The following CLCN6 variants were observed in gnomAD, a reference collection of about 807,000 sequenced individuals.
CLCN6 encodes the protein H(+)/Cl(-) exchange transporter 6.
Under a neutral mutation model 109.8 loss-of-function variants are expected in CLCN6, and 70 were observed. That is an observed-to-expected ratio of 0.64 (90% CI 0.53 to 0.78). The LOEUF is 0.78. Among genes scored for constraint, CLCN6 ranks in the 30% least tolerant of loss-of-function variants. The pLI, the probability that CLCN6 is intolerant of heterozygous loss-of-function variation, is 0.00. For missense variants in CLCN6, 984 were observed against 1,142.3 expected (o/e 0.86, Z 2.00); for synonymous variants, 444 against 447.8 (o/e 0.99, Z 0.11).
Position 11,830,776 on chromosome 1 carries a change from C to CTATATA in CLCN6, c.1248+1457_1248+1462dup, listed in dbSNP as rs1553120511. Among the ~76,000 whole-genome samples, 5 of 118,110 alleles carry CTATATA rather than the reference C, an allele frequency of 4.2e-5. 1 individual carries two copies. The highest frequency in any genetic ancestry group is 1.9e-4 in the African/African-American group (5 of 25,948). 77.5% of individuals were successfully genotyped at this position (118,110 alleles called of 152,430 possible). A position where few individuals can be genotyped will look rare whatever the true frequency, so the allele number is the denominator to read the frequency against. Reference sequence around the variant, plus strand: ...ATATATATATATATACACACACACACTATATATACACACACACACACACAC... The same window carrying CTATATA: ...ATATATATATATATACACACACACACTATATATATATATACACACACACACACACAC... On this transcript the variant is annotated intron_variant, in intron 13 of 22. Transcript: ENST00000346436.
At position 11,823,800 on chromosome 1, in the gene CLCN6, A is replaced by C. The variant is rs757593384; in HGVS notation, c.547A>C (p.Lys183Gln). 6.2e-7 allele frequency: 1 copy of C among 1,614,264 alleles called. No individual in the cohort carries two copies. The highest frequency in any genetic ancestry group is 1.1e-5 in the South Asian group (1 of 91,090). The change falls in exon 7 of 23, where the codon AAG (lysine) becomes CAG (glutamine). Residue 183 changes from lysine to glutamine, a missense_variant. Coordinates refer to ENST00000346436, the MANE Select transcript of CLCN6 (RefSeq NM_001286.5). ...CGTCCGTCTCCGGACCCTGCTCTGC[A>C]AGGTCCTTGGAGTGCTGTTCAGTGT... ...GIVRLRTLLC[K>Q]VLGVLFSVAG...
rs1644939635 is a variant in CLCN6, at chr1:11,836,032, C to G, written c.1859C>G (p.Ser620Cys). Residue 620 changes from serine (S) to cysteine (C), a missense_variant, in exon 18 of 23, where the codon TCT (serine) becomes TGT (cysteine). By Grantham distance (112) the Ser-to-Cys change is moderately radical. Transcript: ENST00000346436. ...TYVYPHTRIQ[S>C]LVSILRTTVH... ...GTCTACCCGCACACCCGCATCCAGT[C>G]TCTGGTGAGCATCCTGCGCACCACG... 2.5e-6 allele frequency: 4 copies of G among 1,614,034 alleles called. No homozygotes were observed. The highest frequency in any genetic ancestry group is 4.5e-5 in the East Asian group (2 of 44,872).
intron 10 of CLCN6, among the ~76,000 whole-genome samples, chr1:11,827,422 C>A (rs933371330): frequency 7.0e-6 from 1 of 142,176 alleles, no homozygotes; most frequent in Non-Finnish European, 1.6e-5. Flanking sequence ...CAAATCAAAC[C>A]GCTGTTACTT....
At chr1:11,806,460 G>T in intron 1 of CLCN6, 111 bp downstream of exon 1, 4 of 996,010 alleles carry the variant, frequency 4.0e-6, no homozygotes, top group South Asian at 1.9e-5. Context: ...GCAGCGGGTG[G>T]GGCCTGGGGA....
intron 2 of CLCN6, among the ~76,000 whole-genome samples, chr1:11,809,174 G>T (rs1055333956): frequency 6.6e-6 from 1 of 152,104 alleles, no homozygotes; most frequent in South Asian, 2.1e-4. Context: ...CTTCTGTTTC[G>T]TAAGTATTTG....
intron 2 of CLCN6, among the ~76,000 whole-genome samples, chr1:11,811,391 T>A (rs1644597539): frequency 6.6e-6 from 1 of 152,044 alleles, no homozygotes. Context: ...TCAATTTTTT[T>A]TTTTTTTTGA....
At position 11,816,647 on chromosome 1, in the gene CLCN6, G is replaced by A. The variant is rs764723407; in HGVS notation, c.246G>A (p.Met82Ile). Residue 82 changes from methionine to isoleucine, a missense_variant, in exon 4 of 23, where the codon ATG becomes ATA. Physicochemically the swap from Met to Ile is conservative, Grantham distance 10. Coordinates refer to ENST00000346436, the MANE Select transcript of CLCN6 (RefSeq NM_001286.5). ...KGRRYEAVKW[M>I]VVFAIGVCTG... is the part of the protein sequence containing the mutation. ...GAAGATATGAGGCGGTGAAGTGGAT[G>A]GTGGTGTTTGCCATTGGAGTCTGCA... The A allele has an allele frequency of 5.0e-6, 8 of 1,613,260 alleles. No homozygotes were observed. The highest frequency in any genetic ancestry group is 2.2e-5 in the South Asian group (2 of 90,824).
rs762339588 is a variant in CLCN6 at position 11,837,451 on chromosome 1, G to A, written c.2247G>A (p.Gln749=). 6.2e-7 allele frequency: 1 copy of A among 1,614,148 alleles called. No individual in the cohort carries two copies. Among genetic ancestry groups the A allele is most frequent in the Non-Finnish European group, 8.5e-7 (1 of 1,180,000 alleles). Residue 749 remains glutamine (Q), a synonymous_variant, in exon 20 of 23, where the codon CAG becomes CAA. Coordinates refer to ENST00000346436, the MANE Select transcript of CLCN6 (RefSeq NM_001286.5). Reference sequence around the variant, plus strand: ...TCCACGGCCTGATCCTTCGGTCGCAGCTTGTCACCCTGCTTGTCCGAGGAG... The same window carrying A: ...TCCACGGCCTGATCCTTCGGTCGCAACTTGTCACCCTGCTTGTCCGAGGAG... ...LTFHGLILRS[Q]LVTLLVRGVC... is the part of the protein sequence containing the mutation.
At chr1:11,823,676 A>G (rs1644774583) in intron 6 of CLCN6, 31 bp from the exon 7 acceptor site, 6 of 1,613,850 alleles carry the variant, frequency 3.7e-6, no homozygotes, top group Middle Eastern at 3.3e-4. Flanking sequence ...ATGGATTTCG[A>G]GTTATGGGTG....
intron 4 of CLCN6, among the ~76,000 whole-genome samples, chr1:11,817,028 G>A (rs904507426): frequency 5.3e-5 from 8 of 152,026 alleles, no homozygotes; most frequent in Non-Finnish European, 8.8e-5. Context: ...TAAACTAGAT[G>A]TCTCCCTAAT....
intron 4 of CLCN6, 73 bp downstream of exon 4, chr1:11,816,753 T>C (rs1644678355): frequency 1.4e-5 from 14 of 1,009,358 alleles, no homozygotes; most frequent in Admixed American, 5.4e-5. Flanking sequence ...CCTGGCCTGG[T>C]GAATAACATT....
chr1:11,820,355 AAAT>A (rs1450628656), intron 5 of CLCN6: 1 of 715,260 alleles, frequency 1.4e-6, no homozygotes, highest in Non-Finnish European at 2.6e-6. Context: ...TTCATACTAT[AAAT>A]AAGATAAATT....
rs2050265 is a variant in CLCN6, at chr1:11,819,642, A to G, written c.346+88A>G. The G allele has an allele frequency of 0.16, 184,073 of 1,136,242 alleles. 15,465 individuals are homozygous for G. Among genetic ancestry groups the G allele is most frequent in the African/African-American group, 0.26 (16,861 of 65,320 alleles). 70.4% of individuals were successfully genotyped at this position (1,136,242 alleles called of 1,614,324 possible). A position where few individuals can be genotyped will look rare whatever the true frequency, so the allele number is the denominator to read the frequency against. ...TAGAAATGGGTCTAACAGTAAGCAT[A>G]GTATTAGAAGGGCCGCTTATTAGCT... On this transcript the variant is annotated intron_variant, in intron 5 of 22. Coordinates refer to ENST00000346436, the MANE Select transcript of CLCN6 (RefSeq NM_001286.5).
chr1:11,835,749 C>T (rs934983597), intron 17 of CLCN6, among the ~76,000 whole-genome samples: 37 of 152,184 alleles, frequency 2.4e-4, no homozygotes, highest in Admixed American at 5.2e-4. Context: ...AGCCCATCAG[C>T]CTGGTACAGC....
intron 2 of CLCN6, among the ~76,000 whole-genome samples, chr1:11,809,297 C>A (rs574915546): frequency 6.6e-6 from 1 of 152,280 alleles, no homozygotes; most frequent in African/African-American, 2.4e-5. Context: ...ACTGTATCAC[C>A]AGGACTGAGA....
At chr1:11,824,609 T>C (rs1644788828) in intron 8 of CLCN6, 56 bp downstream of exon 8, 2 of 1,456,922 alleles carry the variant, frequency 1.4e-6, no homozygotes, top group African/African-American at 1.4e-5. Flanking sequence ...GAGGTCTGGT[T>C]ACACTGGGCC....
rs943411321 is a variant in CLCN6 at position 11,822,699 on chromosome 1, G to A, written c.351G>A (p.Val117=). The change falls in exon 6 of 23, where the codon GTG becomes GTA. Residue 117 remains valine, a synonymous_variant. Coordinates refer to ENST00000346436, the MANE Select transcript of CLCN6 (RefSeq NM_001286.5). The stretch of plus-strand genomic sequence containing the variant: ...TCCTTAACCCAGTTTCCGCAGCGGT[G>A]GAGGAGTGCAGCCAGAAAGGCTGCC... ...QLKFGVVQTS[V]EECSQKGCLA... The A allele has an allele frequency of 4.4e-6, 7 of 1,608,992 alleles. No homozygotes were observed. The Admixed American group carries it at 6.7e-5, about 15-fold the overall frequency.
At chr1:11,806,862 T>C in intron 1 of CLCN6, 1 of 434,338 alleles carries the variant, frequency 2.3e-6, no homozygotes, top group Non-Finnish European at 4.1e-6. Context: ...TTTACCCCCC[T>C]TTTCAGCTGG....
In CLCN6 at chr1:11,807,143, G is replaced by A; in HGVS notation, c.100G>A (p.Glu34Lys). The A allele has an allele frequency of 6.2e-7, 1 of 1,614,158 alleles. No homozygotes were observed. Among genetic ancestry groups the A allele is most frequent in the Non-Finnish European group, 8.5e-7 (1 of 1,180,008 alleles). Residue 34 changes from glutamate to lysine, a missense_variant, in exon 2 of 23, where the codon GAA (glutamate) becomes AAA (lysine). By Grantham distance (56) the Glu-to-Lys change is moderately conservative. Coordinates refer to ENST00000346436, the MANE Select transcript of CLCN6 (RefSeq NM_001286.5). ...RTPEELTILGETQEEEDEILP... is the reference protein window; with the variant it reads ...RTPEELTILGKTQEEEDEILP... Reference sequence around the variant, plus strand: ...TCTGTTTTTCTAGACCATCCTTGGAGAAACACAGGAGGAGGAGGATGAGAT... The same window carrying A: ...TCTGTTTTTCTAGACCATCCTTGGAAAAACACAGGAGGAGGAGGATGAGAT...
Sources: allele counts gnomAD v4.1 joint callset (sites outside exome capture counted in the v4.1 genomes callset), GRCh38; gene constraint gnomAD v4.1.1; transcripts MANE v1.5; gene names NCBI Gene and HGNC (gene_info 2026-07-23, HGNC 2026-07-21).